Variants in SUGCT observed in about 807,000 individuals in gnomAD.
SUGCT encodes the protein succinyl-CoA:glutarate CoA-transferase.
In SUGCT, 41 loss-of-function variants were observed where a neutral mutation model predicts 55.0. That is an observed-to-expected ratio of 0.74 (90% confidence interval 0.58 to 0.97). SUGCT has a LOEUF of 0.97. Among genes scored for constraint, SUGCT ranks in the 50% least tolerant of loss-of-function variants. The probability of loss-of-function intolerance (pLI) is 0.00; values close to 1 mark genes in which losing one functional copy is unlikely to be tolerated. For missense variants in SUGCT, 568 were observed against 547.8 expected, an observed-to-expected ratio of 1.04 and a Z score of -0.37; for synonymous variants, 187 against 200.4, an observed-to-expected ratio of 0.93 and a Z score of 0.56.
intron 12 of SUGCT, among the ~76,000 whole-genome samples, chr7:40,679,650 G>T (rs1180796385): frequency 2.6e-5 from 4 of 152,164 alleles, no homozygotes; most frequent in African/African-American, 9.7e-5. Flanking sequence ...CAATAGAAGA[G>T]AGCTAGTTGA....
intron 1 of SUGCT, among the ~76,000 whole-genome samples, chr7:40,139,127 A>AAAATAAAT (rs56301316): frequency 1.1e-4 from 16 of 140,566 alleles, no homozygotes; most frequent in East Asian, 6.4e-4. Flanking sequence ...CTCTGGCTCA[A>AAAATAAAT]AAATAAATAA....
At chr7:40,586,659 T>TAAC (rs1362957482) in intron 12 of SUGCT, among the ~76,000 whole-genome samples, 19 of 152,298 alleles carry the variant, frequency 1.2e-4, no homozygotes, top group African/African-American at 4.3e-4. Context: ...GTAGTAATAA[T>TAAC]AACAGCAGAC....
intron 12 of SUGCT, among the ~76,000 whole-genome samples, chr7:40,648,332 C>T (rs1220930905): frequency 6.6e-6 from 1 of 152,106 alleles, no homozygotes; most frequent in Non-Finnish European, 1.5e-5. Flanking sequence ...TATTAGTCTT[C>T]CACAAAGTTT....
At chr7:40,644,109 A>G (rs1377469770) in intron 12 of SUGCT, among the ~76,000 whole-genome samples, 1 of 152,182 alleles carries the variant, frequency 6.6e-6, no homozygotes, top group Admixed American at 6.5e-5. Context: ...ATTGATCCCT[A>G]ACTGACTCCT....
chr7:40,427,434 C>A (rs568889033), intron 9 of SUGCT, among the ~76,000 whole-genome samples: 31 of 152,226 alleles, frequency 2.0e-4, no homozygotes, highest in African/African-American at 7.2e-4. Context: ...TGTCATTTCC[C>A]CCTTAACATA....
intron 4 of SUGCT, 83 bp downstream of exon 4, chr7:40,188,663 T>C: frequency 1.2e-6 from 1 of 817,406 alleles, no homozygotes; most frequent in Non-Finnish European, 1.9e-6. Context: ...GGCTTGTTTT[T>C]TTCTTCCTTA....
intron 6 of SUGCT, among the ~76,000 whole-genome samples, chr7:40,202,607 C>G (rs748058863): frequency 1.3e-5 from 2 of 152,048 alleles, no homozygotes; most frequent in Non-Finnish European, 2.9e-5. Context: ...TTAAAGGGTG[C>G]AATAAGGGTA....
chr7:40,885,431 G>T, the SUGCT span, among the ~76,000 whole-genome samples: 1 of 152,138 alleles, frequency 6.6e-6, no homozygotes, highest in Non-Finnish European at 1.5e-5. Flanking sequence ...GTGATCCTGA[G>T]ACTTGGCAGC....
intron 12 of SUGCT, among the ~76,000 whole-genome samples, chr7:40,575,916 C>CCTGA (rs1303992665): frequency 6.3e-4 from 95 of 149,878 alleles, no homozygotes; most frequent in African/African-American, 2.3e-3. Context: ...TGCACTCCAG[C>CCTGA]CTGAGTGACA....
chr7:40,705,269 A>G (rs1309976234), intron 12 of SUGCT, among the ~76,000 whole-genome samples: 18 of 152,232 alleles, frequency 1.2e-4, no homozygotes, highest in Non-Finnish European at 5.9e-5. Flanking sequence ...ACATAATTAT[A>G]GTGCAATATC....
chr7:40,699,970 C>T (rs554656107), intron 12 of SUGCT, among the ~76,000 whole-genome samples: 3 of 151,604 alleles, frequency 2.0e-5, no homozygotes, highest in Non-Finnish European at 2.9e-5. Context: ...AACCCTTAAT[C>T]TCTGTGAGCC....
the SUGCT span, among the ~76,000 whole-genome samples, chr7:41,004,973 A>C: frequency 1.3e-5 from 2 of 152,164 alleles, no homozygotes; most frequent in Non-Finnish European, 2.9e-5. Flanking sequence ...CACAAAATAC[A>C]TATCTGCAAT....
intron 9 of SUGCT, among the ~76,000 whole-genome samples, chr7:40,364,804 T>A (rs1266853983): frequency 6.6e-6 from 1 of 152,038 alleles, no homozygotes; most frequent in East Asian, 1.9e-4. Context: ...CAGGACCAGA[T>A]GGATTCACAG....
intron 6 of SUGCT, among the ~76,000 whole-genome samples, chr7:40,211,170 C>T (rs571706712): frequency 9.8e-4 from 149 of 151,698 alleles, no homozygotes; most frequent in Admixed American, 2.0e-3. Context: ...GATGGGGTTT[C>T]GCCATATTGC....
chr7:40,284,306 C>T (rs1250201034), intron 8 of SUGCT, among the ~76,000 whole-genome samples: 1 of 151,914 alleles, frequency 6.6e-6, no homozygotes, highest in Non-Finnish European at 1.5e-5. Flanking sequence ...CATTAAAACA[C>T]AAGTATATGA....
the SUGCT span, among the ~76,000 whole-genome samples, chr7:41,035,563 A>G: frequency 1.3e-5 from 2 of 152,218 alleles, no homozygotes; most frequent in South Asian, 4.1e-4. Flanking sequence ...TGTTATGCCT[A>G]GGACAGGTTG....
the SUGCT span, among the ~76,000 whole-genome samples, chr7:41,017,240 A>G: frequency 6.6e-6 from 1 of 151,894 alleles, no homozygotes; most frequent in Non-Finnish European, 1.5e-5. Flanking sequence ...TGACATTCTC[A>G]TTATCAAAGG....
intron 1 of SUGCT, among the ~76,000 whole-genome samples, chr7:40,137,874 G>A (rs1321068426): frequency 6.6e-6 from 1 of 152,070 alleles, no homozygotes; most frequent in East Asian, 1.9e-4. Flanking sequence ...AAGACATGGG[G>A]TTTTGCCATG....
chr7:41,012,369 G>A, the SUGCT span, among the ~76,000 whole-genome samples: 1 of 152,306 alleles, frequency 6.6e-6, no homozygotes, highest in African/African-American at 2.4e-5. Context: ...TCAGTGTCTG[G>A]TGGGTCTGAG....
Sources: gnomAD v4.1 joint callset for allele counts (sites outside exome capture counted in the v4.1 genomes callset) on GRCh38, gnomAD v4.1.1 for gene constraint, MANE v1.5 for transcripts, NCBI Gene and HGNC (gene_info 2026-07-23, HGNC 2026-07-21) for gene names.